Variants in CNTN5 observed in about 807,000 individuals in gnomAD.
CNTN5 encodes contactin 5, also known as contactin-5.
A neutral mutation model predicts 129.1 loss-of-function variants in CNTN5; 77 were observed. The ratio of observed to expected loss-of-function variants is 0.60; its 90% CI spans 0.50 to 0.72. The LOEUF (loss-of-function observed/expected upper bound fraction) is 0.72, where lower values mean the gene tolerates loss of function less well. CNTN5 is among the 30% of genes least tolerant of loss of function. The probability of loss-of-function intolerance (pLI) is 0.00; values close to 1 mark genes in which losing one functional copy is unlikely to be tolerated. For missense variants in CNTN5, 1,478 were observed against 1,328.8 expected, an observed-to-expected ratio of 1.11 and a Z score of -1.75; for synonymous variants, 509 against 465.6, an observed-to-expected ratio of 1.09 and a Z score of -1.20.
intron 10 of CNTN5, among the ~76,000 whole-genome samples, chr11:100,068,339 A>G (rs1023843803): frequency 6.6e-6 from 1 of 152,194 alleles, no homozygotes; most frequent in Non-Finnish European, 1.5e-5. Flanking sequence ...GGAGGTGCAC[A>G]TGACTCTTCT....
At chr11:99,496,618 C>G (rs1179887701) in intron 2 of CNTN5, among the ~76,000 whole-genome samples, 1 of 152,164 alleles carries the variant, frequency 6.6e-6, no homozygotes, top group Admixed American at 6.6e-5. Context: ...GGCTGTCTAG[C>G]AAGAGGCTGA....
intron 13 of CNTN5, among the ~76,000 whole-genome samples, chr11:100,094,434 G>A (rs1418113902): frequency 6.6e-6 from 1 of 152,052 alleles, no homozygotes; most frequent in Non-Finnish European, 1.5e-5. Flanking sequence ...TAAAATCTCA[G>A]TTTTCTTACT....
At chr11:99,131,982 A>G (rs1320140573) in intron 1 of CNTN5, among the ~76,000 whole-genome samples, 2 of 152,174 alleles carry the variant, frequency 1.3e-5, no homozygotes, top group African/African-American at 2.4e-5. Flanking sequence ...CCTGATGAAC[A>G]TTTATGCAAA....
At chr11:99,984,930 G>C (rs1349083734) in intron 8 of CNTN5, among the ~76,000 whole-genome samples, 1 of 152,188 alleles carries the variant, frequency 6.6e-6, no homozygotes, top group Non-Finnish European at 1.5e-5. Context: ...GGGAGCATGT[G>C]AGTAAGTGAG....
At chr11:99,619,791 C>G (rs1372716111) in intron 3 of CNTN5, among the ~76,000 whole-genome samples, 2 of 151,912 alleles carry the variant, frequency 1.3e-5, no homozygotes, top group Non-Finnish European at 2.9e-5. Flanking sequence ...CTTTGGGAGG[C>G]CGAGGCGGGC....
intron 13 of CNTN5, among the ~76,000 whole-genome samples, chr11:100,082,569 C>G (rs1015526794): frequency 1.3e-5 from 2 of 152,080 alleles, no homozygotes; most frequent in Non-Finnish European, 2.9e-5. Flanking sequence ...TAAGATTATA[C>G]GTGTGAGCCA....
chr11:99,999,942 A>T (rs1281009480), intron 8 of CNTN5, among the ~76,000 whole-genome samples: 1 of 151,042 alleles, frequency 6.6e-6, no homozygotes, highest in Non-Finnish European at 1.5e-5. Context: ...TCACTCATAG[A>T]TAGGAACTGA....
intron 1 of CNTN5, among the ~76,000 whole-genome samples, chr11:99,133,143 C>T (rs1859031275): frequency 6.6e-6 from 1 of 152,084 alleles, no homozygotes; most frequent in African/African-American, 2.4e-5. Context: ...CTGACAGAAA[C>T]AAACAGTGAG....
At chr11:100,236,439 C>A (rs962808699) in intron 16 of CNTN5, among the ~76,000 whole-genome samples, 1 of 152,164 alleles carries the variant, frequency 6.6e-6, no homozygotes, top group African/African-American at 2.4e-5. Flanking sequence ...TTTTGACTTG[C>A]AGAGATTTGC....
chr11:99,787,160 C>A (rs1438895353), intron 3 of CNTN5, among the ~76,000 whole-genome samples: 1 of 150,204 alleles, frequency 6.7e-6, no homozygotes. Flanking sequence ...TACATGTGCA[C>A]CTGCACGTTT....
intron 2 of CNTN5, among the ~76,000 whole-genome samples, chr11:99,386,081 T>C (rs1208242418): frequency 6.6e-6 from 1 of 152,090 alleles, no homozygotes; most frequent in Non-Finnish European, 1.5e-5. Flanking sequence ...CTCAAGCCCG[T>C]TTTTCTGAAC....
At chr11:100,168,691 A>C (rs1399642836) in intron 13 of CNTN5, among the ~76,000 whole-genome samples, 1 of 152,010 alleles carries the variant, frequency 6.6e-6, no homozygotes, top group Non-Finnish European at 1.5e-5. Flanking sequence ...ACACAACATT[A>C]ATTCTGCAGC....
intron 9 of CNTN5, among the ~76,000 whole-genome samples, chr11:100,024,082 A>G (rs1385732633): frequency 1.3e-5 from 2 of 152,158 alleles, no homozygotes; most frequent in Non-Finnish European, 2.9e-5. Context: ...TTGAATTGTA[A>G]TCCCTGTAAT....
At chr11:99,923,403 A>G (rs537205119) in intron 7 of CNTN5, among the ~76,000 whole-genome samples, 6 of 152,334 alleles carry the variant, frequency 3.9e-5, no homozygotes, top group Admixed American at 3.3e-4. Flanking sequence ...GTGAAAATGT[A>G]GAAATAGCCT....
chr11:99,762,935 G>A (rs1456955527), intron 3 of CNTN5, among the ~76,000 whole-genome samples: 1 of 152,030 alleles, frequency 6.6e-6, no homozygotes, highest in Non-Finnish European at 1.5e-5. Flanking sequence ...AAAGCTTCAT[G>A]CATTCCCCAT....
intron 3 of CNTN5, among the ~76,000 whole-genome samples, chr11:99,576,412 C>A (rs1184740813): frequency 6.6e-6 from 1 of 152,174 alleles, no homozygotes; most frequent in Non-Finnish European, 1.5e-5. Context: ...AAATGCATTA[C>A]ATATACTTGG....
intron 2 of CNTN5, among the ~76,000 whole-genome samples, chr11:99,473,861 A>C (rs1945269965): frequency 6.6e-6 from 1 of 152,082 alleles, no homozygotes; most frequent in Non-Finnish European, 1.5e-5. Flanking sequence ...AGAATTCTTT[A>C]TAAACCATAG....
At chr11:99,499,652 C>CGA (rs939336295) in intron 2 of CNTN5, among the ~76,000 whole-genome samples, 5 of 152,102 alleles carry the variant, frequency 3.3e-5, no homozygotes, top group African/African-American at 1.2e-4. Context: ...AAATTCTACA[C>CGA]GAGTTGTTGA....
intron 16 of CNTN5, among the ~76,000 whole-genome samples, chr11:100,230,730 T>A (rs1476381816): frequency 6.6e-6 from 1 of 152,228 alleles, no homozygotes; most frequent in African/African-American, 2.4e-5. Flanking sequence ...CAGACTCTTT[T>A]AGGCACTGAT....
Sources: allele counts gnomAD v4.1 joint callset (sites outside exome capture counted in the v4.1 genomes callset), GRCh38; gene constraint gnomAD v4.1.1; transcripts MANE v1.5; gene names NCBI Gene and HGNC (gene_info 2026-07-23, HGNC 2026-07-21).